RASGEF1C: variants seen among roughly 807,000 people sequenced by gnomAD.
RASGEF1C encodes the protein RasGEF domain family member 1C.
In RASGEF1C, 27 loss-of-function variants were observed where a neutral mutation model predicts 58.1. That is an observed-to-expected ratio of 0.46 (90% CI 0.34 to 0.64). The LOEUF is 0.64. Among genes scored for constraint, RASGEF1C ranks in the 30% least tolerant of loss-of-function variants. The pLI, the probability that RASGEF1C is intolerant of heterozygous loss-of-function variation, is 0.01. For missense variants in RASGEF1C, 502 were observed against 605.1 expected (o/e 0.83, Z 1.79); for synonymous variants, 243 against 246.3 (o/e 0.99, Z 0.13).
At chr5:180,184,304 G>A (rs963541665) in intron 1 of RASGEF1C, among the ~76,000 whole-genome samples, 1 of 151,716 alleles carries the variant, frequency 6.6e-6, no homozygotes, top group Admixed American at 6.6e-5. Context: ...GCTGGATGCA[G>A]TGGCTCATGC....
intron 1 of RASGEF1C, among the ~76,000 whole-genome samples, chr5:180,174,999 T>C (rs1767199360): frequency 1.3e-5 from 2 of 152,120 alleles, no homozygotes; most frequent in South Asian, 4.1e-4. Flanking sequence ...GGACTCTGCT[T>C]CAGACTTGAG....
rs1767055520 is a variant in RASGEF1C at position 180,168,556 on chromosome 5, G to A, written c.-6-30498C>T. On this transcript the variant is annotated intron_variant, in intron 1 of 13. Transcript: ENST00000361132. This position sits in a 1 kb window ranked among gnomAD's most constrained non-coding sequence, Gnocchi z 6.0. Reference sequence around the variant, plus strand: ...TTTCCGTCGTCGAGCCAGAAAGCTAGGGCTTTCCTTCCTTGGTTTTGCTGT... The same window carrying A: ...TTTCCGTCGTCGAGCCAGAAAGCTAAGGCTTTCCTTCCTTGGTTTTGCTGT... 6.6e-6 allele frequency among the ~76,000 whole-genome samples: 1 copy of A among 152,180 alleles called. No individual in the cohort carries two copies. Among genetic ancestry groups the A allele is most frequent in the Non-Finnish European group, 1.5e-5 (1 of 68,028 alleles).
At chr5:180,150,500 G>T (rs1354323940) in intron 1 of RASGEF1C, among the ~76,000 whole-genome samples, 1 of 149,082 alleles carries the variant, frequency 6.7e-6, no homozygotes, top group Non-Finnish European at 1.5e-5. Context: ...GGCAACTCTT[G>T]AAATCAGATT....
intron 1 of RASGEF1C, among the ~76,000 whole-genome samples, chr5:180,207,363 G>A (rs1221080150): frequency 1.3e-5 from 2 of 152,252 alleles, no homozygotes; most frequent in African/African-American, 4.8e-5. Context: ...CACTGACAAG[G>A]CCTAGAGGCG....
At chr5:180,165,179 T>C (rs1384314484) in intron 1 of RASGEF1C, among the ~76,000 whole-genome samples, 2 of 152,190 alleles carry the variant, frequency 1.3e-5, no homozygotes, top group Non-Finnish European at 2.9e-5. Flanking sequence ...GAGTTTCTTT[T>C]TGGTAGCATA....
chr5:180,155,445 C>T lies in RASGEF1C; in HGVS notation c.-6-17387G>A, dbSNP rs1315584040. ...GAGGCTGAGAATGCACCTGGCCTTG[C>T]CTTCAGGAGGGCAACGCGCTTGGCT... On this transcript the variant is annotated intron_variant, in intron 1 of 13. Coordinates refer to ENST00000361132, the MANE Select transcript of RASGEF1C (RefSeq NM_175062.4). The surrounding 1 kb of genome is among the most constrained non-coding windows in gnomAD (Gnocchi z 5.2). Among the ~76,000 whole-genome samples the T allele has an allele frequency of 6.6e-6, 1 of 152,156 alleles. No individual in the cohort carries two copies. Among genetic ancestry groups the T allele is most frequent in the African/African-American group, 2.4e-5 (1 of 41,454 alleles).
intron 1 of RASGEF1C, among the ~76,000 whole-genome samples, chr5:180,186,864 G>T (rs894281192): frequency 3.3e-5 from 5 of 152,134 alleles, no homozygotes; most frequent in African/African-American, 1.2e-4. Context: ...TTCTCAGGAG[G>T]CTGAGGCAGA....
chr5:180,136,652 G>T (rs1766482600), intron 3 of RASGEF1C, 137 bp from the exon 4 acceptor site: 3 of 907,272 alleles, frequency 3.3e-6, no homozygotes, highest in East Asian at 5.4e-5. Context: ...GGAGGAGGGG[G>T]GTGCGATCCT....
chr5:180,137,964 C>T lies in RASGEF1C; in HGVS notation c.89G>A (p.Gly30Glu), dbSNP rs1412242015. 9 of 1,606,310 alleles carry T rather than the reference C, an allele frequency of 5.6e-6. No homozygotes were observed. Among genetic ancestry groups the T allele is most frequent in the Non-Finnish European group, 7.6e-6 (9 of 1,177,512 alleles). ...TGGCGCTCCATCCAGGAGGGGCTGCCCAGCCTGTTCGCCATCTGTGGGCTC... is the reference window on the plus strand; with the variant it reads ...TGGCGCTCCATCCAGGAGGGGCTGCTCAGCCTGTTCGCCATCTGTGGGCTC... ...PTEPTDGEQAGQPLLDGAPSS... is the reference protein window; with the variant it reads ...PTEPTDGEQAEQPLLDGAPSS... Residue 30 changes from glycine to glutamate, a missense_variant, in exon 2 of 14, where the codon GGG becomes GAG. Gly to Glu is a moderately conservative substitution (Grantham distance 98, BLOSUM62 -2). Coordinates refer to ENST00000361132, the MANE Select transcript of RASGEF1C (RefSeq NM_175062.4). This position sits in a 1 kb window ranked among gnomAD's most constrained non-coding sequence, Gnocchi z 4.1.
rs1218221052 is a variant in RASGEF1C, at chr5:180,177,373, T to C, written c.-7+31655A>G. Among the ~76,000 whole-genome samples, 8 of 152,118 alleles carry C rather than the reference T, an allele frequency of 5.3e-5. No individual in the cohort carries two copies. The highest frequency in any genetic ancestry group is 7.4e-5 in the Non-Finnish European group (5 of 68,016). On this transcript the variant is annotated intron_variant, in intron 1 of 13. Transcript: ENST00000361132. The surrounding 1 kb of genome is among the most constrained non-coding windows in gnomAD (Gnocchi z 5.0). Reference sequence around the variant, plus strand: ...TGTTCATCGGCTCCATTTTTAACCTTCCTTAGTCCCAGCAGCCCCAGCAAA... The same window carrying C: ...TGTTCATCGGCTCCATTTTTAACCTCCCTTAGTCCCAGCAGCCCCAGCAAA...
chr5:180,195,634 C>T (rs1312658309), intron 1 of RASGEF1C, among the ~76,000 whole-genome samples: 4 of 151,914 alleles, frequency 2.6e-5, no homozygotes, highest in African/African-American at 4.8e-5. Context: ...CGGTGGCGGG[C>T]GCCTGTAGTC....
Position 180,115,290 on chromosome 5 carries a change from T to TAA in RASGEF1C, c.1084-751_1084-750dup, listed in dbSNP as rs35607645. On this transcript the variant is annotated intron_variant, in intron 10 of 13. Transcript: ENST00000361132. ...CGGCCTCCCAAGGTGGCCTCCTTTT[T>TAA]AAAAAAAAAAAAAAAAATTTAACAA... 2,522 of 395,886 alleles carry TAA rather than the reference T, an allele frequency of 6.4e-3. 11 individuals are homozygous for TAA. Among genetic ancestry groups the TAA allele is most frequent in the African/African-American group, 0.023 (1,044 of 45,626 alleles). The allele number at this position is 395,886 out of a possible 1,614,324, so 24.5% of individuals were successfully genotyped here. A position where few individuals can be genotyped will look rare whatever the true frequency, so the allele number is the denominator to read the frequency against.
At chr5:180,208,315 A>AC (rs1304395956) in intron 1 of RASGEF1C, among the ~76,000 whole-genome samples, 1 of 151,960 alleles carries the variant, frequency 6.6e-6, no homozygotes, top group African/African-American at 2.4e-5. Flanking sequence ...CTCCACCAGC[A>AC]CCCCAACTTC....
intron 1 of RASGEF1C, among the ~76,000 whole-genome samples, chr5:180,188,969 C>G (rs1300926462): frequency 1.3e-5 from 2 of 152,036 alleles, no homozygotes; most frequent in East Asian, 3.9e-4. Flanking sequence ...AAGAAAGAAA[C>G]AAAAGGCATC....
chr5:180,171,578 T>C (rs882702), intron 1 of RASGEF1C, among the ~76,000 whole-genome samples: 83,779 of 151,900 alleles, frequency 0.55, 23,471 homozygotes, highest in African/African-American at 0.6. Context: ...GGTCCCAGGC[T>C]CTGTCCCCAC....
At position 180,114,463 on chromosome 5, in the gene RASGEF1C, C is replaced by T. The variant is rs1240907543; in HGVS notation, c.1162G>A (p.Gly388Arg). 1.9e-6 allele frequency: 3 copies of T among 1,612,776 alleles called. No individual in the cohort carries two copies. The highest frequency in any genetic ancestry group is 2.5e-6 in the Non-Finnish European group (3 of 1,179,256). Residue 388 changes from glycine (G) to arginine (R), a missense_variant, in exon 11 of 14, where the codon GGA (glycine) becomes AGA (arginine). Transcript: ENST00000361132. ...NEGCANRLPN[G>R]HVNFEKFLEL... is the part of the protein sequence containing the mutation. ...GGTCCTACCTCAAAGTTGACGTGTC[C>T]ATTGGGAAGGCGGTTGGCGCAGCCC...
chr5:180,146,779 T>G (rs1438603529), intron 1 of RASGEF1C, among the ~76,000 whole-genome samples: 1 of 152,230 alleles, frequency 6.6e-6, no homozygotes, highest in African/African-American at 2.4e-5. Context: ...TTACTTCTTG[T>G]AGTGCTTCTG....
intron 3 of RASGEF1C, among the ~76,000 whole-genome samples, chr5:180,136,950 T>C (rs1352522689): frequency 1.3e-5 from 2 of 152,012 alleles, no homozygotes; most frequent in African/African-American, 4.8e-5. Flanking sequence ...AGAAAAGGAA[T>C]TGAGGCTTCC....
Position 180,114,552 on chromosome 5 carries a change from G to T in RASGEF1C, c.1084-11C>A. 6.2e-7 allele frequency: 1 copy of T among 1,606,572 alleles called. No individual in the cohort carries two copies. The highest frequency in any genetic ancestry group is 1.1e-5 in the South Asian group (1 of 90,454). On this transcript the variant is annotated splice_polypyrimidine_tract_variant and intron_variant, in intron 10 of 13. Coordinates refer to ENST00000361132, the MANE Select transcript of RASGEF1C (RefSeq NM_175062.4). ...GAAAGGAATGACAATCTGGAAGAAA[G>T]AGGGGGCAGGTCGGCCCCAGCCGGC... is the stretch of plus-strand genomic sequence containing the variant.
Sources: allele counts gnomAD v4.1 joint callset (sites outside exome capture counted in the v4.1 genomes callset), GRCh38; gene constraint gnomAD v4.1.1; non-coding constraint Gnocchi (gnomAD v3.1); transcripts MANE v1.5; gene names NCBI Gene and HGNC (gene_info 2026-07-23, HGNC 2026-07-21).